CD226: variants seen among roughly 807,000 people sequenced by gnomAD.
CD226 encodes the protein CD226 antigen.
In CD226, 24 loss-of-function variants were observed where a neutral mutation model predicts 34.9. The ratio of observed to expected loss-of-function variants is 0.69; its 90% confidence interval spans 0.50 to 0.97. The LOEUF (loss-of-function observed/expected upper bound fraction) is 0.97. Ranked by LOEUF, CD226 falls within the 50% of genes least tolerant of loss-of-function variation. The pLI is 0.00. For synonymous variants in CD226, 148 were observed against 147.4 expected, an observed-to-expected ratio of 1.00 and a Z score of -0.03; for missense variants, 397 against 412.7, an observed-to-expected ratio of 0.96 and a Z score of 0.33.
chr18:69,873,376 G>C, intron 3 of CD226, 130 bp from the exon 4 acceptor site: 2 of 556,274 alleles, frequency 3.6e-6, no homozygotes, highest in Admixed American at 3.4e-5. Context: ...AAAAAAAATA[G>C]AATGAGTTAC....
At chr18:69,957,378 C>T (rs1268289164), upstream of CD226, among the ~76,000 whole-genome samples, 4 of 152,002 alleles carry the variant, frequency 2.6e-5, no homozygotes, top group African/African-American at 2.4e-5. Flanking sequence ...TCCCATTCTC[C>T]GACAGAAAAA....
chr18:69,888,749 G>T (rs1047906571), intron 3 of CD226, among the ~76,000 whole-genome samples: 2 of 152,072 alleles, frequency 1.3e-5, no homozygotes, highest in African/African-American at 4.8e-5. Flanking sequence ...TGTTTATAGT[G>T]GTGTTCTGTT....
At chr18:69,890,097 G>A (rs182756378) in intron 3 of CD226, among the ~76,000 whole-genome samples, 11 of 152,060 alleles carry the variant, frequency 7.2e-5, no homozygotes, top group Admixed American at 3.3e-4. Context: ...AAGGTTAAAC[G>A]TTGAAGAAAA....
intron 3 of CD226, among the ~76,000 whole-genome samples, chr18:69,874,403 A>T (rs898014368): frequency 6.6e-6 from 1 of 152,192 alleles, no homozygotes; most frequent in Non-Finnish European, 1.5e-5. Flanking sequence ...GAATCCCATC[A>T]ACATCTGCTG....
intron 3 of CD226, among the ~76,000 whole-genome samples, chr18:69,885,665 C>T (rs142272421): frequency 6.6e-6 from 1 of 152,280 alleles, no homozygotes; most frequent in African/African-American, 2.4e-5. Context: ...GCAGAGGCTA[C>T]TCCTAAAGTT....
In CD226 at chr18:69,903,740, C is replaced by A. The variant is rs183841217; in HGVS notation, c.383-7695G>T. ...ACGAGCCAAGGAAGGCCAAAGATTG[C>A]CAGAAATTGCCAGAAGCTAGGTGAG... On this transcript the variant is annotated intron_variant, in intron 2 of 5. Transcript: ENST00000582621. Among the ~76,000 whole-genome samples, 3 of 152,124 alleles carry A rather than the reference C, an allele frequency of 2.0e-5. No homozygotes were observed. In the East Asian group the frequency reaches 5.8e-4, roughly 29 times the overall value.
intron 2 of CD226, among the ~76,000 whole-genome samples, chr18:69,917,469 C>G (rs1164011498): frequency 1.3e-5 from 2 of 152,176 alleles, no homozygotes; most frequent in Non-Finnish European, 2.9e-5. Context: ...CCTCCTCAAG[C>G]TAGGTTACAC....
intron 2 of CD226, among the ~76,000 whole-genome samples, chr18:69,913,593 C>T (rs552902984): frequency 2.6e-5 from 4 of 152,218 alleles, no homozygotes; most frequent in South Asian, 2.1e-4. Context: ...ACTCAGTAAA[C>T]GTATGCCATA....
Position 69,922,713 on chromosome 18 carries a change from T to C in CD226, c.382+24021A>G, listed in dbSNP as rs558537587. Among the ~76,000 whole-genome samples, 8 of 152,330 alleles carry C rather than the reference T, an allele frequency of 5.3e-5. No homozygotes were observed. In the South Asian group the frequency reaches 1.0e-3, roughly 20 times the overall value. On this transcript the variant is annotated intron_variant, in intron 2 of 5. Transcript: ENST00000582621. ...GAAACAGACCAGGCCATTGTGAGGA[T>C]GCACAGTGCTGAAAACGAACCCCTG...
chr18:69,866,243 T>G (rs1188367905), intron 5 of CD226, among the ~76,000 whole-genome samples: 1 of 152,214 alleles, frequency 6.6e-6, no homozygotes, highest in Non-Finnish European at 1.5e-5. Flanking sequence ...TTTCAACATA[T>G]GAATGTTGGG....
rs1233102669 is a variant in CD226 at position 69,855,626 on chromosome 18, A to G, written c.*8688T>C. On this transcript the variant is annotated 3_prime_UTR_variant, in exon 6 of 6. Coordinates refer to ENST00000582621, the MANE Select transcript of CD226 (RefSeq NM_001303618.2). ...TCAGATAACACTAAATAGAATAAAT[A>G]CCAAAAAAAAGAGGGGAAAAGGAGA... 6.6e-6 allele frequency: 1 copy of G among 152,028 alleles called. No individual in the cohort carries two copies. Among genetic ancestry groups the G allele is most frequent in the Non-Finnish European group, 1.5e-5 (1 of 67,990 alleles). The allele number at this position is 152,028 out of a possible 1,614,324, so 9.4% of individuals were successfully genotyped here. A position where few individuals can be genotyped will look rare whatever the true frequency, so the allele number is the denominator to read the frequency against.
chr18:69,871,502 T>C (rs1412448260), intron 4 of CD226, among the ~76,000 whole-genome samples: 1 of 152,162 alleles, frequency 6.6e-6, no homozygotes, highest in Non-Finnish European at 1.5e-5. Context: ...AGCATGAAAG[T>C]GATTAAAATA....
At chr18:69,901,616 C>A (rs1349594675) in intron 2 of CD226, among the ~76,000 whole-genome samples, 2 of 137,784 alleles carry the variant, frequency 1.5e-5, no homozygotes, top group East Asian at 4.4e-4. Flanking sequence ...CACAGTGGCT[C>A]ACACCTGTAA....
intron 3 of CD226, among the ~76,000 whole-genome samples, chr18:69,880,772 C>A (rs1432503603): frequency 6.6e-6 from 1 of 151,798 alleles, no homozygotes; most frequent in Non-Finnish European, 1.5e-5. Context: ...CTGCCTCAGC[C>A]CCCTGAGTAG....
rs1429707751 is a variant in CD226, at chr18:69,860,734, T to G, written c.*3580A>C. On this transcript the variant is annotated 3_prime_UTR_variant, in exon 6 of 6. Transcript: ENST00000582621. Reference sequence around the variant, plus strand: ...TCTGAAGGTGGAGATCAGTACTTTCTAGATGTTACATTTTAATAGTAGCTA... The same window carrying G: ...TCTGAAGGTGGAGATCAGTACTTTCGAGATGTTACATTTTAATAGTAGCTA... The G allele has an allele frequency of 6.6e-6, 1 of 152,170 alleles. No homozygotes were observed. Among genetic ancestry groups the G allele is most frequent in the Non-Finnish European group, 1.5e-5 (1 of 67,980 alleles). The allele number at this position is 152,170 out of a possible 1,614,324, so 9.4% of individuals were successfully genotyped here. A position where few individuals can be genotyped will look rare whatever the true frequency, so the allele number is the denominator to read the frequency against.
intron 2 of CD226, among the ~76,000 whole-genome samples, chr18:69,929,379 T>G (rs555817592): frequency 1.3e-5 from 2 of 152,322 alleles, no homozygotes; most frequent in East Asian, 1.9e-4. Flanking sequence ...GTCACTCTCA[T>G]GTGCTAGGTC....
chr18:69,922,432 C>T (rs1489477285), intron 2 of CD226, among the ~76,000 whole-genome samples: 1 of 152,162 alleles, frequency 6.6e-6, no homozygotes, highest in Non-Finnish European at 1.5e-5. Flanking sequence ...CAGATGCATA[C>T]CACCACAACT....
At chr18:69,953,455 G>C (rs2055870637) in intron 1 of CD226, among the ~76,000 whole-genome samples, 1 of 152,166 alleles carries the variant, frequency 6.6e-6, no homozygotes, top group Non-Finnish European at 1.5e-5. Context: ...CTAAGTCAAA[G>C]AATGCAGAAA....
At chr18:69,873,109 G>A (rs748126513) in intron 4 of CD226, 35 bp downstream of exon 4, 1 of 1,115,156 alleles carries the variant, frequency 9.0e-7, no homozygotes, top group Non-Finnish European at 1.4e-6. Context: ...CCTCTAACAT[G>A]GTGAATAAGA....
Sources: gnomAD v4.1 joint callset for allele counts (sites outside exome capture counted in the v4.1 genomes callset) on GRCh38, gnomAD v4.1.1 for gene constraint, MANE v1.5 for transcripts, NCBI Gene and HGNC (gene_info 2026-07-23, HGNC 2026-07-21) for gene names.